The following RHBG variants were observed in gnomAD, a reference collection of about 807,000 sequenced individuals.
RHBG encodes the protein Rh family B glycoprotein.
RHBG carries 39 observed loss-of-function variants against 40.1 expected under a neutral mutation model. That is an observed-to-expected ratio of 0.97 (90% confidence interval 0.75 to 1.27). The LOEUF (loss-of-function observed/expected upper bound fraction) is 1.27, where lower values mean the gene tolerates loss of function less well. Ranked by LOEUF, RHBG falls within the 50% of genes most tolerant of loss-of-function variation. RHBG has a pLI of 0.00. For synonymous variants in RHBG, 237 were observed against 252.5 expected (o/e 0.94, Z 0.58); for missense variants, 549 against 588.1 (o/e 0.93, Z 0.69).
Position 156,378,247 on chromosome 1 carries a change from C to T in RHBG, c.526-5C>T, listed in dbSNP as rs776324448. On this transcript the variant is annotated splice_region_variant and splice_polypyrimidine_tract_variant and intron_variant, in intron 3 of 9. Coordinates refer to ENST00000537040, the MANE Select transcript of RHBG (RefSeq NM_020407.5). ...GGGGTGCTGCCTCTCACCCCACCTC[C>T]CCAGGTGAGAGATGCCGGAGGCTCC... is the stretch of plus-strand genomic sequence containing the variant. 1.2e-6 allele frequency: 2 copies of T among 1,613,648 alleles called. No individual in the cohort carries two copies. The highest frequency in any genetic ancestry group is 1.6e-4 in the Middle Eastern group (1 of 6,062).
intron 1 of RHBG, 147 bp downstream of exon 1, chr1:156,369,583 C>T (rs1666705594): frequency 1.2e-6 from 1 of 830,552 alleles, no homozygotes; most frequent in Admixed American, 3.0e-5. Flanking sequence ...TTTAAAATCT[C>T]ACCCTTTCAC....
chr1:156,382,176 G>A lies in RHBG; in HGVS notation c.1087G>A (p.Ala363Thr). Residue 363 changes from alanine (A) to threonine (T), a missense_variant, in exon 7 of 10, where the codon GCC (alanine) becomes ACC (threonine). Transcript: ENST00000537040. ...CCTGGGGGTCCTTGTGGCTGGACTT[G>A]CCACCCATGAAGCTTACGGAGATGG... is the stretch of plus-strand genomic sequence containing the variant. Reference protein sequence around the residue: ...ALLGVLVAGLATHEAYGDGLE... With the variant: ...ALLGVLVAGLTTHEAYGDGLE... 2 of 1,614,120 alleles carry A rather than the reference G, an allele frequency of 1.2e-6. No individual in the cohort carries two copies. The highest frequency in any genetic ancestry group is 1.7e-6 in the Non-Finnish European group (2 of 1,180,032).
At chr1:156,372,236 G>A (rs1237282037) in intron 1 of RHBG, among the ~76,000 whole-genome samples, 1 of 152,210 alleles carries the variant, frequency 6.6e-6, no homozygotes, top group Non-Finnish European at 1.5e-5. Context: ...CCACTCAGAT[G>A]CTGAGAGTGA....
intron 4 of RHBG, among the ~76,000 whole-genome samples, chr1:156,380,112 CTTTTTT>C (rs67037881): frequency 2.3e-5 from 3 of 130,132 alleles, no homozygotes; most frequent in African/African-American, 8.5e-5. Context: ...CTTTCTTTTT[CTTTTTT>C]TTTTTTTTTT....
chr1:156,369,244 CA>C lies in RHBG; in HGVS notation c.-4del. On this transcript the variant is annotated 5_prime_UTR_variant, in exon 1 of 10. Coordinates refer to ENST00000537040, the MANE Select transcript of RHBG (RefSeq NM_020407.5). ...GCGAGCGCCAGCCGAGATCGCAGCC[CA>C]ACCCATGGCCGGGTCTCCTAGCCGC... 1 of 1,611,698 alleles carries C rather than the reference CA, an allele frequency of 6.2e-7. No homozygotes were observed. Among genetic ancestry groups the C allele is most frequent in the Non-Finnish European group, 8.5e-7 (1 of 1,179,290 alleles).
At position 156,377,498 on chromosome 1, in the gene RHBG, G is replaced by A. The variant is rs377143017; in HGVS notation, c.374+11G>A. ...TGTTGGCGTGGAGAGGTGGGCAGCC[G>A]CCACCCACCCAGCTCCCCAAGGTTC... On this transcript the variant is annotated intron_variant, in intron 2 of 9. Transcript: ENST00000537040. The surrounding 1 kb of genome is among the most constrained non-coding windows in gnomAD (Gnocchi z 4.6). 23 of 1,598,648 alleles carry A rather than the reference G, an allele frequency of 1.4e-5. No individual in the cohort carries two copies. Among genetic ancestry groups the A allele is most frequent in the African/African-American group, 2.7e-5 (2 of 74,638 alleles).
chr1:156,382,344 A>G, intron 7 of RHBG, 143 bp downstream of exon 7: 1 of 1,295,512 alleles, frequency 7.7e-7, no homozygotes. Context: ...TGGAGTTAAC[A>G]AAACCAACCC....
At chr1:156,374,017 C>A (rs1209868737) in intron 1 of RHBG, among the ~76,000 whole-genome samples, 3 of 152,018 alleles carry the variant, frequency 2.0e-5, no homozygotes, top group Non-Finnish European at 4.4e-5. Flanking sequence ...TAACTATAGT[C>A]ACTCTACAGT....
chr1:156,370,034 A>G (rs1028947753), intron 1 of RHBG, among the ~76,000 whole-genome samples: 2 of 152,144 alleles, frequency 1.3e-5, no homozygotes, highest in Non-Finnish European at 2.9e-5. Context: ...AAATGAGGCA[A>G]CTGGCCAGTC....
In RHBG at chr1:156,377,340, G is replaced by A. The variant is rs2245623; in HGVS notation, c.227G>A (p.Gly76Asp). The A allele has an allele frequency of 0.42, 672,565 of 1,613,928 alleles. 146,203 individuals are homozygous for A. Among genetic ancestry groups the A allele is most frequent in the Non-Finnish European group, 0.45 (532,825 of 1,179,914 alleles). ...CATGCCATGGTCTTCGTGGGCTTTG[G>A]CTTCCTCATGGTCTTCCTGCAGCGT... Reference protein sequence around the residue: ...DVHAMVFVGFGFLMVFLQRYG... With the variant: ...DVHAMVFVGFDFLMVFLQRYG... The change falls in exon 2 of 10, where the codon GGC (glycine) becomes GAC (aspartate). Residue 76 changes from glycine (G) to aspartate (D), a missense_variant. Around this residue, in one of 3 missense-constraint regions of RHBG, gnomAD observed 51 missense variants for 85.9 expected, o/e 0.59. Coordinates refer to ENST00000537040, the MANE Select transcript of RHBG (RefSeq NM_020407.5). The surrounding 1 kb of genome is among the most constrained non-coding windows in gnomAD (Gnocchi z 4.6).
chr1:156,370,406 G>A (rs1254657999), intron 1 of RHBG, among the ~76,000 whole-genome samples: 3 of 150,088 alleles, frequency 2.0e-5, no homozygotes, highest in Non-Finnish European at 3.0e-5. Flanking sequence ...TCAGGATCAC[G>A]CCACTGCACT....
At chr1:156,373,066 G>A (rs1400833524) in intron 1 of RHBG, among the ~76,000 whole-genome samples, 1 of 152,198 alleles carries the variant, frequency 6.6e-6, no homozygotes. Context: ...GGTTGCAGAG[G>A]GGCAGCAAGG....
At chr1:156,382,294 GAATT>G (rs1557806064) in intron 7 of RHBG, 93 bp downstream of exon 7, 1 of 1,578,408 alleles carries the variant, frequency 6.3e-7, no homozygotes, top group Non-Finnish European at 8.7e-7. Context: ...AAAAAAGAAT[GAATT>G]CATTCATTCA....
chr1:156,369,211 C>T lies in RHBG; in HGVS notation c.-39C>T. The T allele has an allele frequency of 6.3e-7, 1 of 1,598,214 alleles. No homozygotes were observed. Among genetic ancestry groups the T allele is most frequent in the Non-Finnish European group, 8.5e-7 (1 of 1,172,656 alleles). ...TGCCCTGCCGCCGGGAATTGTCTGC[C>T]AAAGCCTGCGAGCGCCAGCCGAGAT... is the stretch of plus-strand genomic sequence containing the variant. On this transcript the variant is annotated 5_prime_UTR_variant, in exon 1 of 10. Coordinates refer to ENST00000537040, the MANE Select transcript of RHBG (RefSeq NM_020407.5).
At chr1:156,379,424 T>G (rs1667462915) in intron 4 of RHBG, among the ~76,000 whole-genome samples, 1 of 152,134 alleles carries the variant, frequency 6.6e-6, no homozygotes, top group African/African-American at 2.4e-5. Context: ...GGGACTGAAG[T>G]ACCTATTCCT....
chr1:156,372,034 C>G (rs1350497531), intron 1 of RHBG, among the ~76,000 whole-genome samples: 1 of 152,196 alleles, frequency 6.6e-6, no homozygotes, highest in Non-Finnish European at 1.5e-5. Flanking sequence ...GCCGGGTCCT[C>G]ACCTGTCCTT....
At chr1:156,370,435 C>T (rs145536681) in intron 1 of RHBG, among the ~76,000 whole-genome samples, 3,886 of 134,464 alleles carry the variant, frequency 0.029, 87 homozygotes, top group Middle Eastern at 0.036. Flanking sequence ...GGTGACAGAG[C>T]GAGACTCCAT....
At chr1:156,373,597 T>C (rs556464534) in intron 1 of RHBG, among the ~76,000 whole-genome samples, 11 of 152,130 alleles carry the variant, frequency 7.2e-5, no homozygotes, top group East Asian at 1.9e-4. Flanking sequence ...GAATTTCTCA[T>C]TGTGGAATGT....
intron 1 of RHBG, among the ~76,000 whole-genome samples, chr1:156,370,484 C>T (rs1342781342): frequency 4.0e-5 from 6 of 148,888 alleles, no homozygotes; most frequent in Non-Finnish European, 5.9e-5. Flanking sequence ...TGGTGGCAGG[C>T]GCCTGTAATC....
Sources: gnomAD v4.1 joint callset for allele counts (sites outside exome capture counted in the v4.1 genomes callset) on GRCh38, gnomAD v4.1.1 for gene constraint, gnomAD v4.1.1 regional missense constraint, Gnocchi (gnomAD v3.1) non-coding constraint, MANE v1.5 for transcripts, NCBI Gene and HGNC (gene_info 2026-07-23, HGNC 2026-07-21) for gene names.